Variants in RBFOX1 observed in about 807,000 individuals in gnomAD.
RBFOX1 encodes the protein RNA binding fox-1 homolog 1.
In RBFOX1, 8 loss-of-function variants were observed where a neutral mutation model predicts 57.7. That is an observed-to-expected ratio of 0.14 (90% CI 0.08 to 0.25). The LOEUF is 0.25. RBFOX1 is among the 10% of genes least tolerant of loss of function. RBFOX1 has a pLI of 1.00. For missense variants in RBFOX1, 611 were observed against 548.5 expected (o/e 1.11, Z -1.14); for synonymous variants, 326 against 222.4 (o/e 1.47, Z -4.15).
In RBFOX1 at chr16:6,780,149, T is replaced by TTA. The variant is rs1190320979; in HGVS notation, c.-16+125509_-16+125510dup. On this transcript the variant is annotated intron_variant, in intron 3 of 15. Coordinates refer to ENST00000550418, the MANE Select transcript of RBFOX1 (RefSeq NM_018723.4). ...TATATATTTATATATTTATATATAT[T>TTA]TATATATATATTTATATATTTTTAT... 1.2e-4 allele frequency among the ~76,000 whole-genome samples: 4 copies of TTA among 32,416 alleles called. 1 individual carries two copies. The highest frequency in any genetic ancestry group is 3.6e-4 in the African/African-American group (2 of 5,598). 21.3% of individuals were successfully genotyped at this position (32,416 alleles called of 152,430 possible).
At chr16:7,200,800 A>C (rs1324175596) in intron 4 of RBFOX1, among the ~76,000 whole-genome samples, 1 of 152,164 alleles carries the variant, frequency 6.6e-6, no homozygotes, top group African/African-American at 2.4e-5. Context: ...GGACTAACTC[A>C]TCGTGATGAA....
chr16:7,211,134 G>A (rs891517672), intron 4 of RBFOX1, among the ~76,000 whole-genome samples: 6 of 150,502 alleles, frequency 4.0e-5, no homozygotes, highest in African/African-American at 1.5e-4. Flanking sequence ...GCTCACACCT[G>A]TAATCCCAGC....
At chr16:6,743,487 G>T (rs987754471) in intron 3 of RBFOX1, among the ~76,000 whole-genome samples, 1 of 152,126 alleles carries the variant, frequency 6.6e-6, no homozygotes, top group African/African-American at 2.4e-5. Flanking sequence ...CACACCTGTA[G>T]TCCCAGCACT....
At chr16:6,410,044 C>A (rs372283030) in intron 2 of RBFOX1, among the ~76,000 whole-genome samples, 24 of 152,240 alleles carry the variant, frequency 1.6e-4, no homozygotes, top group African/African-American at 5.3e-4. Context: ...ACTAGGAGCC[C>A]TGCTTCTGGG....
At chr16:5,799,243 G>T (rs2054979948) in intron 3 of RBFOX1, among the ~76,000 whole-genome samples, 1 of 152,022 alleles carries the variant, frequency 6.6e-6, no homozygotes, top group Non-Finnish European at 1.5e-5. Context: ...CAGTATGGGG[G>T]AAACTGCCCC....
rs568160264 is a variant in RBFOX1, at chr16:5,255,268, G to A, written c.219+15163G>A. On this transcript the variant is annotated intron_variant, in intron 1 of 2. Transcript: ENST00000585867. ...ATCACTCAATTCTTTGGAGGACCCC[G>A]GATAAATGCTCAAGTCCACCTGCTC... 2.7e-3 allele frequency among the ~76,000 whole-genome samples: 413 copies of A among 151,600 alleles called. 4 individuals carry two copies. The highest frequency in any genetic ancestry group is 4.5e-3 in the Non-Finnish European group (307 of 67,866).
intron 3 of RBFOX1, among the ~76,000 whole-genome samples, chr16:6,904,367 C>T (rs1052049016): frequency 2.0e-5 from 3 of 151,690 alleles, no homozygotes; most frequent in South Asian, 2.1e-4. Context: ...TTGGAAGGCC[C>T]AGGTGGGAGG....
chr16:7,477,538 G>C (rs2062995830), intron 4 of RBFOX1, among the ~76,000 whole-genome samples: 1 of 152,142 alleles, frequency 6.6e-6, no homozygotes, highest in African/African-American at 2.4e-5. Flanking sequence ...ACTCCCCAAA[G>C]AGAAAATGTA....
At chr16:7,183,806 A>G (rs1567607568) in intron 4 of RBFOX1, among the ~76,000 whole-genome samples, 1 of 152,214 alleles carries the variant, frequency 6.6e-6, no homozygotes, top group Non-Finnish European at 1.5e-5. Flanking sequence ...GCAAGGAGCT[A>G]TTTAATGCCT....
intron 2 of RBFOX1, among the ~76,000 whole-genome samples, chr16:6,440,125 C>T (rs183228166): frequency 2.5e-4 from 38 of 151,788 alleles, no homozygotes; most frequent in African/African-American, 6.0e-4. Flanking sequence ...TTAGTAGAGA[C>T]GGGGCTTCAC....
chr16:7,510,067 G>A (rs2074586017), intron 4 of RBFOX1: 2 of 848,858 alleles, frequency 2.4e-6, no homozygotes, highest in Non-Finnish European at 2.8e-6. Flanking sequence ...TGTGATTGAT[G>A]GGCCAGGCCT....
rs376348543 is a variant in RBFOX1, at chr16:6,326,954, G to A, written c.-64+9897G>A. On this transcript the variant is annotated intron_variant, in intron 2 of 15. Coordinates refer to ENST00000550418, the MANE Select transcript of RBFOX1 (RefSeq NM_018723.4). ...CCTGGAGGCTGTGCTCCAAATGCTCGTCTTTCATTTTGGAGCAGAATCCAC... is the reference window on the plus strand; with the variant it reads ...CCTGGAGGCTGTGCTCCAAATGCTCATCTTTCATTTTGGAGCAGAATCCAC... Among the ~76,000 whole-genome samples the A allele has an allele frequency of 3.3e-5, 5 of 152,136 alleles. No individual in the cohort carries two copies. In the South Asian group the frequency reaches 8.3e-4, roughly 25 times the overall value.
chr16:6,359,161 C>T (rs908490284), intron 2 of RBFOX1, among the ~76,000 whole-genome samples: 5 of 152,242 alleles, frequency 3.3e-5, no homozygotes, highest in Admixed American at 6.5e-5. Flanking sequence ...GGCACGATCT[C>T]AGCTCACTGC....
Position 5,904,144 on chromosome 16 carries a change from G to A in RBFOX1, c.351+36809G>A, listed in dbSNP as rs907394065. 6.6e-5 allele frequency among the ~76,000 whole-genome samples: 10 copies of A among 152,206 alleles called. No homozygotes were observed. In the East Asian group the frequency reaches 1.7e-3, roughly 27 times the overall value. On this transcript the variant is annotated intron_variant, in intron 4 of 19. Coordinates refer to the RBFOX1 transcript ENST00000641259. Reference sequence around the variant, plus strand: ...CCTCCGCAGAGTAATTGGATCATTCGGAGATCGGCAATGCCTGGTGTATGC... The same window carrying A: ...CCTCCGCAGAGTAATTGGATCATTCAGAGATCGGCAATGCCTGGTGTATGC...
intron 3 of RBFOX1, among the ~76,000 whole-genome samples, chr16:5,611,784 A>G (rs2047815579): frequency 8.7e-6 from 1 of 114,646 alleles, no homozygotes; most frequent in African/African-American, 3.5e-5. Flanking sequence ...CCATCCATCC[A>G]TCCATCCATC....
chr16:6,549,176 G>T (rs112143478), intron 2 of RBFOX1, among the ~76,000 whole-genome samples: 660 of 5,210 alleles, frequency 0.13, 169 homozygotes, highest in East Asian at 0.59. Flanking sequence ...GGAGGAGGAG[G>T]GGAGGTGGGA....
chr16:6,499,592 C>G (rs1349163218), intron 2 of RBFOX1, among the ~76,000 whole-genome samples: 1 of 152,088 alleles, frequency 6.6e-6, no homozygotes, highest in Non-Finnish European at 1.5e-5. Flanking sequence ...TTGTAATCTT[C>G]TGCAGTGGGA....
chr16:7,681,943 C>T (rs953212060), intron 14 of RBFOX1, among the ~76,000 whole-genome samples: 1 of 152,126 alleles, frequency 6.6e-6, no homozygotes, highest in Non-Finnish European at 1.5e-5. Flanking sequence ...ATCTCAAGAT[C>T]TTATTCTAGT....
intron 2 of RBFOX1, among the ~76,000 whole-genome samples, chr16:6,323,480 A>C (rs537982064): frequency 6.6e-6 from 1 of 152,142 alleles, no homozygotes; most frequent in African/African-American, 2.4e-5. Flanking sequence ...ACAAGCAGGT[A>C]CATATTTTGA....
Sources: gnomAD v4.1 joint callset for allele counts (sites outside exome capture counted in the v4.1 genomes callset) on GRCh38, gnomAD v4.1.1 for gene constraint, MANE v1.5 for transcripts, NCBI Gene and HGNC (gene_info 2026-07-23, HGNC 2026-07-21) for gene names.